AFF4: variants seen among roughly 807,000 people sequenced by gnomAD.
The protein encoded by AFF4 is ALF transcription elongation factor 4.
AFF4 carries 13 observed loss-of-function variants against 124.8 expected under a neutral mutation model. The ratio of observed to expected loss-of-function variants is 0.10; its 90% CI spans 0.07 to 0.17. The LOEUF (loss-of-function observed/expected upper bound fraction) is 0.17, where lower values mean the gene tolerates loss of function less well. Ranked by LOEUF, AFF4 falls within the 10% of genes least tolerant of loss-of-function variation. The pLI, the probability that AFF4 is intolerant of heterozygous loss-of-function variation, is 1.00. For missense variants in AFF4, 1,092 were observed against 1,403.8 expected (o/e 0.78, Z 3.55); for synonymous variants, 477 against 496.1 (o/e 0.96, Z 0.51).
In AFF4 at chr5:132,879,242, A is replaced by G. The variant is rs1348716730; in HGVS notation, c.*1817T>C. On this transcript the variant is annotated 3_prime_UTR_variant, in exon 21 of 21. Coordinates refer to ENST00000265343, the MANE Select transcript of AFF4 (RefSeq NM_014423.4). ...CAATGAAAGTTCACTAACTTCAGAAATAAGTGTAAAAAAGTCTCAAACACA... is the reference window on the plus strand; with the variant it reads ...CAATGAAAGTTCACTAACTTCAGAAGTAAGTGTAAAAAAGTCTCAAACACA... 9.1e-6 allele frequency: 2 copies of G among 219,540 alleles called. No individual in the cohort carries two copies. Among genetic ancestry groups the G allele is most frequent in the Non-Finnish European group, 1.8e-5 (2 of 109,354 alleles). 13.6% of individuals were successfully genotyped at this position (219,540 alleles called of 1,614,324 possible).
intron 12 of AFF4, 68 bp downstream of exon 12, chr5:132,892,962 A>T (rs888280964): frequency 1.4e-6 from 2 of 1,442,264 alleles, no homozygotes; most frequent in African/African-American, 2.8e-5. Context: ...GCATGTCAGA[A>T]AGTACCCACT....
At chr5:132,909,056 A>C (rs890256532) in intron 5 of AFF4, among the ~76,000 whole-genome samples, 2 of 150,904 alleles carry the variant, frequency 1.3e-5, no homozygotes, top group African/African-American at 4.9e-5. Flanking sequence ...AGCATGAGGC[A>C]CCGCACCCAG....
chr5:132,922,736 C>T (rs553648999), intron 5 of AFF4, among the ~76,000 whole-genome samples: 6 of 147,278 alleles, frequency 4.1e-5, no homozygotes, highest in African/African-American at 1.0e-4. Flanking sequence ...GCCAAGATCA[C>T]GCCACTGCAC....
In AFF4 at chr5:132,937,150, G is replaced by A. The variant is rs759650836; in HGVS notation, c.40C>T (p.Arg14Trp). ...TGAATTTCCTGATTCCGCCTTTCCC[G>A]TTCTTTCATACGCAGCACATTCCGG... ...EDRNVLRMKE[R>W]ERRNQEIQQG... is the part of the protein sequence containing the mutation. The change falls in exon 2 of 21, where the codon CGG (arginine) becomes TGG (tryptophan). Residue 14 changes from arginine (R) to tryptophan (W), a missense_variant. By Grantham distance (101) the Arg-to-Trp change is moderately radical (BLOSUM62 -3). This residue lies in a region of AFF4 where 46 missense variants were observed against 49.0 expected (regional missense o/e 0.94). Transcript: ENST00000265343. 14 of 1,613,834 alleles carry A rather than the reference G, an allele frequency of 8.7e-6. No individual in the cohort carries two copies. Among genetic ancestry groups the A allele is most frequent in the Admixed American group, 3.3e-5 (2 of 60,008 alleles).
chr5:132,929,972 T>G (rs868781571), intron 4 of AFF4, among the ~76,000 whole-genome samples: 1 of 152,078 alleles, frequency 6.6e-6, no homozygotes. Context: ...AGCAAAAATT[T>G]TAAAGTCTAC....
chr5:132,919,633 T>C (rs1760992884), intron 5 of AFF4, among the ~76,000 whole-genome samples: 1 of 152,196 alleles, frequency 6.6e-6, no homozygotes, highest in African/African-American at 2.4e-5. Flanking sequence ...GTGGATCATT[T>C]AAGCTTAGGA....
intron 10 of AFF4, among the ~76,000 whole-genome samples, chr5:132,897,744 A>G (rs565835701): frequency 9.2e-5 from 14 of 151,990 alleles, no homozygotes; most frequent in Admixed American, 7.9e-4. Flanking sequence ...AATGTTATAT[A>G]TGACCTTTAA....
intron 4 of AFF4, among the ~76,000 whole-genome samples, chr5:132,931,917 C>G (rs772549589): frequency 6.6e-6 from 1 of 152,116 alleles, no homozygotes; most frequent in Non-Finnish European, 1.5e-5. Flanking sequence ...GCACTCCAGG[C>G]TGGGCGACAG....
chr5:132,915,382 T>C (rs887239817), intron 5 of AFF4, among the ~76,000 whole-genome samples: 2 of 151,766 alleles, frequency 1.3e-5, no homozygotes, highest in African/African-American at 4.8e-5. Context: ...CTATACACAC[T>C]ATTCCAGAAA....
chr5:132,923,003 C>T (rs944399434), intron 5 of AFF4, among the ~76,000 whole-genome samples: 1 of 151,552 alleles, frequency 6.6e-6, no homozygotes, highest in Non-Finnish European at 1.5e-5. Context: ...GGTGAAACCT[C>T]GCCTCTACTA....
chr5:132,946,955 G>A (rs1333933092), intron 1 of AFF4, among the ~76,000 whole-genome samples: 2 of 152,116 alleles, frequency 1.3e-5, no homozygotes, highest in Non-Finnish European at 2.9e-5. Flanking sequence ...TACTTGGGAG[G>A]TGGAGGCACG....
intron 1 of AFF4, among the ~76,000 whole-genome samples, chr5:132,939,231 A>AT (rs1364228369): frequency 6.6e-6 from 1 of 151,662 alleles, no homozygotes; most frequent in Admixed American, 6.6e-5. Flanking sequence ...AAAAAAAAAA[A>AT]AGAATGTTCT....
At chr5:132,907,136 C>T (rs1285891121) in intron 5 of AFF4, among the ~76,000 whole-genome samples, 6 of 152,042 alleles carry the variant, frequency 3.9e-5, no homozygotes, top group Non-Finnish European at 7.4e-5. Context: ...CCACCAAAGG[C>T]GAGACCATCT....
intron 1 of AFF4, among the ~76,000 whole-genome samples, chr5:132,959,828 G>C (rs373902465): frequency 1.4e-5 from 2 of 141,908 alleles, no homozygotes; most frequent in African/African-American, 5.3e-5. Context: ...GCAGTGGTGC[G>C]ATCTCGACTC....
In AFF4 at chr5:132,881,076, C is replaced by T. The variant is rs1375913886; in HGVS notation, c.3475G>A (p.Ala1159Thr). 6 of 1,613,278 alleles carry T rather than the reference C, an allele frequency of 3.7e-6. No homozygotes were observed. Among genetic ancestry groups the T allele is most frequent in the Non-Finnish European group, 5.1e-6 (6 of 1,179,786 alleles). Residue 1159 changes from alanine to threonine, a missense_variant, in exon 21 of 21, where the codon GCC becomes ACC. Physicochemically the swap from Ala to Thr is moderately conservative, Grantham distance 58. Around this residue, in one of 11 missense-constraint regions of AFF4, gnomAD observed 173 missense variants for 294.9 expected, o/e 0.59. Coordinates refer to ENST00000265343, the MANE Select transcript of AFF4 (RefSeq NM_014423.4). ...TGTTCAGTTCAAGATATCAACTTGG[C>T]ATCCTGGCGAAGCCAGTGCAGTCCC... is the stretch of plus-strand genomic sequence containing the variant. Reference protein sequence around the residue: ...RQGLHWLRQDAKLIS With the variant: ...RQGLHWLRQDTKLIS
chr5:132,895,646 G>C (rs1760369822), intron 11 of AFF4, among the ~76,000 whole-genome samples: 1 of 152,118 alleles, frequency 6.6e-6, no homozygotes, highest in African/African-American at 2.4e-5. Flanking sequence ...AAAAGATCAG[G>C]CTGTTTTTCC....
chr5:132,928,811 A>G (rs1561499425), intron 4 of AFF4, among the ~76,000 whole-genome samples: 1 of 152,202 alleles, frequency 6.6e-6, no homozygotes, highest in Non-Finnish European at 1.5e-5. Context: ...AGGAAGAGAC[A>G]AGGGCACTTG....
rs1445768971 is a variant in AFF4 at position 132,881,152 on chromosome 5, A to T, written c.3399T>A (p.Pro1133=). ...FFAELDKVMG[P]LIFNASIMTD... is the part of the protein sequence containing the mutation. ...TCATGATGCTTGCATTAAAGATGAG[A>T]GGGCCCATTACTTTATCCAGTTCAG... Residue 1133 remains proline, a synonymous_variant, in exon 21 of 21, where the codon CCT becomes CCA. Transcript: ENST00000265343. 9 of 1,614,086 alleles carry T rather than the reference A, an allele frequency of 5.6e-6. No individual in the cohort carries two copies. The highest frequency in any genetic ancestry group is 4.2e-6 in the Non-Finnish European group (5 of 1,179,952).
At chr5:132,952,570 T>C (rs1421638758) in intron 1 of AFF4, among the ~76,000 whole-genome samples, 2 of 152,188 alleles carry the variant, frequency 1.3e-5, no homozygotes, top group African/African-American at 2.4e-5. Flanking sequence ...GTTCATTTTA[T>C]ATCCTCTCCT....
Sources: gnomAD v4.1 joint callset for allele counts (sites outside exome capture counted in the v4.1 genomes callset) on GRCh38, gnomAD v4.1.1 for gene constraint, gnomAD v4.1.1 regional missense constraint, MANE v1.5 for transcripts, NCBI Gene and HGNC (gene_info 2026-07-23, HGNC 2026-07-21) for gene names.